The following FAM193A variants were observed in gnomAD, a reference collection of about 807,000 sequenced individuals.
FAM193A encodes family with sequence similarity 193 member A, also known as protein FAM193A.
A neutral mutation model predicts 126.5 loss-of-function variants in FAM193A; 22 were observed. That is an observed-to-expected ratio of 0.17 (90% CI 0.12 to 0.25). The LOEUF is 0.25. FAM193A is among the 10% of genes least tolerant of loss of function. The pLI is 1.00. For synonymous variants in FAM193A, 761 were observed against 646.8 expected (o/e 1.18, Z -2.68); for missense variants, 1,675 against 1,672.8 (o/e 1.00, Z -0.02).
At chr4:2,623,633 G>C (rs546323690) in intron 2 of FAM193A, among the ~76,000 whole-genome samples, 2 of 152,310 alleles carry the variant, frequency 1.3e-5, no homozygotes, top group South Asian at 2.1e-4. Context: ...AGCAGACTGG[G>C]GTAGTGCAAG....
chr4:2,710,997 G>A (rs1718896840), intron 19 of FAM193A, among the ~76,000 whole-genome samples: 1 of 150,930 alleles, frequency 6.6e-6, no homozygotes, highest in Non-Finnish European at 1.5e-5. Context: ...GACTACAGGC[G>A]CCCACCACCT....
At chr4:2,621,650 G>A (rs1256430086) in intron 2 of FAM193A, among the ~76,000 whole-genome samples, 1 of 152,178 alleles carries the variant, frequency 6.6e-6, no homozygotes, top group African/African-American at 2.4e-5. Flanking sequence ...GAGAGCCAGT[G>A]CAGCTGTGCA....
chr4:2,631,716 A>G (rs187458480), intron 5 of FAM193A, among the ~76,000 whole-genome samples: 8 of 152,260 alleles, frequency 5.3e-5, no homozygotes, highest in Non-Finnish European at 1.5e-5. Flanking sequence ...ATCCTTGCCA[A>G]TGGGGATCTG....
intron 2 of FAM193A, among the ~76,000 whole-genome samples, chr4:2,624,150 C>G (rs1190020543): frequency 1.3e-5 from 2 of 151,588 alleles, no homozygotes; most frequent in African/African-American, 4.8e-5. Context: ...TGGCGTGGGA[C>G]ATAGGAAGGT....
upstream of FAM193A, among the ~76,000 whole-genome samples, chr4:2,536,137 C>T (rs1187328835): frequency 6.6e-6 from 1 of 151,546 alleles, no homozygotes; most frequent in Non-Finnish European, 1.5e-5. Context: ...GTCTGCGGCA[C>T]CTGGGCGGCG....
At chr4:2,563,276 A>G (rs1425423355) in intron 1 of FAM193A, among the ~76,000 whole-genome samples, 1 of 152,192 alleles carries the variant, frequency 6.6e-6, no homozygotes, top group Admixed American at 6.6e-5. Flanking sequence ...GTGAGTCTTA[A>G]TCTGTTCTGA....
chr4:2,542,976 C>T (rs940194694), intron 1 of FAM193A, among the ~76,000 whole-genome samples: 1 of 152,088 alleles, frequency 6.6e-6, no homozygotes, highest in African/African-American at 2.4e-5. Flanking sequence ...CATAACTTAG[C>T]TTATAGGGTC....
At chr4:2,607,726 C>T (rs1016698487) in intron 2 of FAM193A, 5 of 349,614 alleles carry the variant, frequency 1.4e-5, no homozygotes, top group East Asian at 5.8e-5. Flanking sequence ...GCCTTACCCT[C>T]GCTGCGGCTC....
intron 19 of FAM193A, among the ~76,000 whole-genome samples, chr4:2,713,426 G>C (rs890594091): frequency 2.0e-5 from 3 of 152,162 alleles, no homozygotes; most frequent in Non-Finnish European, 4.4e-5. Flanking sequence ...AAAAATTGGG[G>C]TATTAGGAAA....
intron 10 of FAM193A, among the ~76,000 whole-genome samples, chr4:2,662,076 G>A (rs896374091): frequency 3.9e-5 from 6 of 152,184 alleles, no homozygotes; most frequent in East Asian, 3.9e-4. Context: ...CCAGCTACTC[G>A]GGAGGCTGAG....
chr4:2,540,668 A>T (rs1737178003), intron 1 of FAM193A, among the ~76,000 whole-genome samples: 1 of 151,766 alleles, frequency 6.6e-6, no homozygotes, highest in South Asian at 2.1e-4. Context: ...ACGAACAAAA[A>T]CGAAAAAACA....
intron 18 of FAM193A, among the ~76,000 whole-genome samples, chr4:2,699,444 C>CCG (rs538090966): frequency 2.3e-5 from 2 of 87,560 alleles, no homozygotes; most frequent in East Asian, 3.1e-4. Context: ...CCACCCCCCC[C>CCG]CCCACACACA....
In FAM193A at chr4:2,608,202, C is replaced by T. The variant is rs115671180; in HGVS notation, c.501+11873C>T. The T allele has an allele frequency of 9.4e-3, 13,262 of 1,406,036 alleles. 424 individuals carry two copies. The African/African-American group carries it at 0.11, about 12-fold the overall frequency. 87.1% of individuals were successfully genotyped at this position (1,406,036 alleles called of 1,614,324 possible). A position where few individuals can be genotyped will look rare whatever the true frequency, so the allele number is the denominator to read the frequency against. On this transcript the variant is annotated intron_variant, in intron 2 of 20. Transcript: ENST00000637812. ...GGACTTCATTTTTCTTTTCTGTTTT[C>T]GAGACGGTCGGTCTCGCCCAGTATG...
At chr4:2,573,153 C>A (rs752205465) in intron 1 of FAM193A, among the ~76,000 whole-genome samples, 1 of 152,050 alleles carries the variant, frequency 6.6e-6, no homozygotes, top group Non-Finnish European at 1.5e-5. Flanking sequence ...TTGTGTCTCT[C>A]CCTCTCCTGA....
intron 7 of FAM193A, among the ~76,000 whole-genome samples, chr4:2,648,961 C>A (rs868071547): frequency 6.6e-6 from 1 of 152,204 alleles, no homozygotes; most frequent in African/African-American, 2.4e-5. Flanking sequence ...CAGAATGTCC[C>A]GGATCTGCCC....
At chr4:2,672,828 C>A (rs927314152) in intron 13 of FAM193A, among the ~76,000 whole-genome samples, 1 of 152,058 alleles carries the variant, frequency 6.6e-6, no homozygotes, top group African/African-American at 2.4e-5. Flanking sequence ...TAGAAATACA[C>A]GAGCCTAAAT....
At chr4:2,715,559 G>A (rs989358187) in intron 19 of FAM193A, 5 of 988,622 alleles carry the variant, frequency 5.1e-6, no homozygotes, top group Admixed American at 1.2e-4. Context: ...TTCCTGTCAA[G>A]GGCACATTCG....
At chr4:2,646,011 AT>A (rs1020890956) in intron 6 of FAM193A, among the ~76,000 whole-genome samples, 3 of 151,178 alleles carry the variant, frequency 2.0e-5, no homozygotes, top group Admixed American at 1.3e-4. Context: ...TCCCATATTT[AT>A]TTTTTTATCA....
At chr4:2,588,827 A>G (rs1328883794) in intron 1 of FAM193A, among the ~76,000 whole-genome samples, 1 of 152,216 alleles carries the variant, frequency 6.6e-6, no homozygotes, top group Non-Finnish European at 1.5e-5. Flanking sequence ...TACAAACTGC[A>G]GTGTGAGAAG....
Sources: allele counts gnomAD v4.1 joint callset (sites outside exome capture counted in the v4.1 genomes callset), GRCh38; gene constraint gnomAD v4.1.1; transcripts MANE v1.5; gene names NCBI Gene and HGNC (gene_info 2026-07-23, HGNC 2026-07-21).